KLF15: variants seen among roughly 807,000 people sequenced by gnomAD.
The protein encoded by KLF15 is KLF transcription factor 15, also known as Krueppel-like factor 15.
KLF15 carries 4 observed loss-of-function variants against 24.6 expected under a neutral mutation model. That is an observed-to-expected ratio of 0.16 (90% confidence interval 0.08 to 0.37). KLF15 has a LOEUF of 0.37. Among genes scored for constraint, KLF15 ranks in the 10% least tolerant of loss-of-function variants. The pLI is 1.00. For synonymous variants in KLF15, 246 were observed against 236.3 expected, an observed-to-expected ratio of 1.04 and a Z score of -0.37; for missense variants, 496 against 560.6, an observed-to-expected ratio of 0.88 and a Z score of 1.16.
the KLF15 span, among the ~76,000 whole-genome samples, chr3:126,293,046 A>T: frequency 6.6e-6 from 1 of 151,608 alleles, no homozygotes; most frequent in Non-Finnish European, 1.5e-5. Context: ...GCGGTGGCTC[A>T]TGCCTCTAGT....
rs934540660 is a variant in KLF15 at position 126,356,934 on chromosome 3, T to A, written c.-26+303A>T. On this transcript the variant is annotated intron_variant, in intron 1 of 2. Coordinates refer to ENST00000296233, the MANE Select transcript of KLF15 (RefSeq NM_014079.4). The surrounding 1 kb of genome is among the most constrained non-coding windows in gnomAD (Gnocchi z 4.4). ...CACCAGGCCGCGCCGGTGCCCACCATATGGGAGGGCCGGCCCGCAAGGCGC... is the reference window on the plus strand; with the variant it reads ...CACCAGGCCGCGCCGGTGCCCACCAAATGGGAGGGCCGGCCCGCAAGGCGC... Among the ~76,000 whole-genome samples the A allele has an allele frequency of 2.0e-5, 3 of 150,920 alleles. No individual in the cohort carries two copies. The highest frequency in any genetic ancestry group is 6.6e-5 in the Admixed American group (1 of 15,232).
At chr3:126,348,295 G>A (rs1241445925) in intron 2 of KLF15, among the ~76,000 whole-genome samples, 1 of 152,232 alleles carries the variant, frequency 6.6e-6, no homozygotes, top group Non-Finnish European at 1.5e-5. Flanking sequence ...TAATATGTGT[G>A]AATTTTGCTC....
chr3:126,295,049 C>T, the KLF15 span, among the ~76,000 whole-genome samples: 1 of 152,162 alleles, frequency 6.6e-6, no homozygotes, highest in Non-Finnish European at 1.5e-5. Flanking sequence ...CATGCACATG[C>T]ATGCACTTAT....
chr3:126,299,747 CAAAAAAA>C, the KLF15 span, among the ~76,000 whole-genome samples: 10 of 55,994 alleles, frequency 1.8e-4, no homozygotes, highest in African/African-American at 4.7e-4. Context: ...CACTCCATCT[CAAAAAAA>C]AAAAAAAAAA....
the KLF15 span, among the ~76,000 whole-genome samples, chr3:126,308,710 A>T: frequency 6.6e-6 from 1 of 152,168 alleles, no homozygotes; most frequent in Non-Finnish European, 1.5e-5. Context: ...CGTGGAAAGA[A>T]GTCTTTCTCC....
downstream of KLF15, among the ~76,000 whole-genome samples, chr3:126,342,343 G>C (rs1056233809): frequency 1.3e-5 from 2 of 152,184 alleles, no homozygotes; most frequent in African/African-American, 4.8e-5. Context: ...CGCAGGACTG[G>C]CCAGGCCTGA....
the KLF15 span, among the ~76,000 whole-genome samples, chr3:126,307,097 T>C: frequency 6.6e-6 from 1 of 152,162 alleles, no homozygotes; most frequent in East Asian, 1.9e-4. Flanking sequence ...CTCCTTTACA[T>C]ACCCAAGGGA....
At position 126,349,474 on chromosome 3, in the gene KLF15, T is replaced by A. The variant is rs188816113; in HGVS notation, c.1082+2367A>T. On this transcript the variant is annotated intron_variant, in intron 2 of 2. Coordinates refer to ENST00000296233, the MANE Select transcript of KLF15 (RefSeq NM_014079.4). ...AGGGCTCAGATGTGTCAGAGCTGAA[T>A]CCCCTCCACAGGTCCCCACTCTCTC... 2.0e-5 allele frequency among the ~76,000 whole-genome samples: 3 copies of A among 152,064 alleles called. No homozygotes were observed. In the East Asian group the frequency reaches 5.8e-4, roughly 29 times the overall value.
At chr3:126,319,923 A>G in the KLF15 span, among the ~76,000 whole-genome samples, 1 of 152,180 alleles carries the variant, frequency 6.6e-6, no homozygotes, top group Non-Finnish European at 1.5e-5. Context: ...CAGACCAGGG[A>G]CACAGATCAG....
chr3:126,337,487 T>G, the KLF15 span, among the ~76,000 whole-genome samples: 1 of 143,326 alleles, frequency 7.0e-6, no homozygotes, highest in East Asian at 2.3e-4. Flanking sequence ...GATGATGAGT[T>G]AGTGGGTGCA....
At chr3:126,324,892 C>A in the KLF15 span, among the ~76,000 whole-genome samples, 45 of 99,866 alleles carry the variant, frequency 4.5e-4, no homozygotes, top group Middle Eastern at 5.3e-3. Context: ...ATGTGCCATG[C>A]TGGTGCGCTG....
At chr3:126,309,405 G>T in the KLF15 span, among the ~76,000 whole-genome samples, 6 of 152,236 alleles carry the variant, frequency 3.9e-5, no homozygotes, top group Non-Finnish European at 1.5e-5. Flanking sequence ...GCTTCTCCCT[G>T]CTGCGGTGAG....
chr3:126,310,045 A>G, the KLF15 span, among the ~76,000 whole-genome samples: 1 of 152,234 alleles, frequency 6.6e-6, no homozygotes, highest in Non-Finnish European at 1.5e-5. Flanking sequence ...AGGCACCGGC[A>G]TTTGGCCTGG....
the KLF15 span, among the ~76,000 whole-genome samples, chr3:126,305,977 C>A: frequency 1.3e-5 from 2 of 152,192 alleles, no homozygotes; most frequent in African/African-American, 4.8e-5. Context: ...TGAAGAGGCT[C>A]CTGCAAATCA....
At chr3:126,289,305 G>A in the KLF15 span, among the ~76,000 whole-genome samples, 7 of 152,202 alleles carry the variant, frequency 4.6e-5, no homozygotes, top group Non-Finnish European at 1.0e-4. Context: ...CCTGGAAACC[G>A]TAAAGGAAAT....
the KLF15 span, among the ~76,000 whole-genome samples, chr3:126,309,886 A>G: frequency 6.6e-6 from 1 of 152,234 alleles, no homozygotes; most frequent in Non-Finnish European, 1.5e-5. Flanking sequence ...CTCAATGGCC[A>G]AGGCAGGAGC....
intron 2 of KLF15, among the ~76,000 whole-genome samples, chr3:126,344,225 G>C (rs2082512084): frequency 6.6e-6 from 1 of 151,994 alleles, no homozygotes; most frequent in Admixed American, 6.6e-5. Context: ...CACCCAGATA[G>C]TTTTTGTATT....
the KLF15 span, among the ~76,000 whole-genome samples, chr3:126,299,735 G>A: frequency 2.7e-5 from 3 of 111,634 alleles, no homozygotes; most frequent in African/African-American, 3.7e-5. Flanking sequence ...TCAACAGAGC[G>A]ACACTCCATC....
At chr3:126,302,840 T>C in the KLF15 span, among the ~76,000 whole-genome samples, 1 of 152,298 alleles carries the variant, frequency 6.6e-6, no homozygotes, top group African/African-American at 2.4e-5. Context: ...CTTGCTTTCT[T>C]ATCCAATCTG....
Sources: gnomAD v4.1 joint callset for allele counts (sites outside exome capture counted in the v4.1 genomes callset) on GRCh38, gnomAD v4.1.1 for gene constraint, Gnocchi (gnomAD v3.1) non-coding constraint, MANE v1.5 for transcripts, NCBI Gene and HGNC (gene_info 2026-07-23, HGNC 2026-07-21) for gene names.